The following FBXL13 variants were observed in gnomAD, a reference collection of about 807,000 sequenced individuals.
FBXL13 encodes F-box and leucine-rich repeat protein 13.
FBXL13 carries 67 observed loss-of-function variants against 83.6 expected under a neutral mutation model. The ratio of observed to expected loss-of-function variants is 0.80; its 90% CI spans 0.66 to 0.98. FBXL13 has a LOEUF of 0.98. Ranked by LOEUF, FBXL13 falls within the 50% of genes least tolerant of loss-of-function variation. FBXL13 has a pLI of 0.00. For missense variants in FBXL13, 822 were observed against 866.5 expected, an observed-to-expected ratio of 0.95 and a Z score of 0.64; for synonymous variants, 272 against 299.5, an observed-to-expected ratio of 0.91 and a Z score of 0.95.
intron 1 of FBXL13, among the ~76,000 whole-genome samples, chr7:103,064,487 G>A (rs887866814): frequency 1.3e-5 from 2 of 152,126 alleles, no homozygotes; most frequent in African/African-American, 4.8e-5. Flanking sequence ...AGAAAAGGGG[G>A]TAATTACAGT....
intron 6 of FBXL13, among the ~76,000 whole-genome samples, chr7:103,011,129 A>G (rs1791569076): frequency 6.6e-6 from 1 of 152,250 alleles, no homozygotes. Flanking sequence ...CAATTCAAAA[A>G]GCCAGAGTGT....
At chr7:102,960,158 A>T (rs1436166368) in intron 8 of FBXL13, among the ~76,000 whole-genome samples, 1 of 152,104 alleles carries the variant, frequency 6.6e-6, no homozygotes, top group East Asian at 1.9e-4. Context: ...GATCCATAGA[A>T]ATACAAATAC....
intron 1 of FBXL13, among the ~76,000 whole-genome samples, chr7:103,069,527 C>T (rs1334553676): frequency 6.6e-6 from 1 of 152,152 alleles, no homozygotes; most frequent in Non-Finnish European, 1.5e-5. Context: ...ATCTTTCAGT[C>T]TGAGGAGACA....
At chr7:103,074,482 C>T in exon 1 of FBXL13, 1 of 1,147,048 alleles carries the variant, frequency 8.7e-7, no homozygotes, top group Non-Finnish European at 1.1e-6. Flanking sequence ...CACGTGCAGC[C>T]ACCATCACCC....
At chr7:102,828,917 G>A (rs1219278749) in intron 18 of FBXL13, among the ~76,000 whole-genome samples, 1 of 152,098 alleles carries the variant, frequency 6.6e-6, no homozygotes, top group Admixed American at 6.5e-5. Flanking sequence ...GTAGCCTTGG[G>A]CACACCCAGT....
intron 8 of FBXL13, among the ~76,000 whole-genome samples, chr7:102,953,940 A>G (rs1380986544): frequency 6.6e-6 from 1 of 152,060 alleles, no homozygotes; most frequent in Non-Finnish European, 1.5e-5. Context: ...GGGACAGACA[A>G]AAACAGAGAA....
At chr7:102,860,636 C>T in intron 16 of FBXL13, among the ~76,000 whole-genome samples, 1 of 152,052 alleles carries the variant, frequency 6.6e-6, no homozygotes, top group East Asian at 1.9e-4. Flanking sequence ...AGCTGATGTA[C>T]ATAGACAATG....
chr7:102,884,311 A>G (rs1345787624), exon 12 of FBXL13: 1 of 1,611,916 alleles, frequency 6.2e-7, no homozygotes, highest in East Asian at 2.2e-5. Context: ...TTGGACTGAA[A>G]TCTGAATTGT....
chr7:103,034,344 G>A (rs895248955), intron 2 of FBXL13, among the ~76,000 whole-genome samples: 5 of 152,196 alleles, frequency 3.3e-5, no homozygotes, highest in East Asian at 1.9e-4. Flanking sequence ...TGGACGGTGT[G>A]GGGGAGGCTC....
intron 15 of FBXL13, 133 bp from the exon 17 acceptor site, chr7:102,877,726 A>G (rs1157874938): frequency 6.0e-6 from 5 of 828,484 alleles, no homozygotes; most frequent in Non-Finnish European, 9.2e-6. Context: ...CATAAAAGTA[A>G]GACTAAAAGT....
chr7:103,059,802 G>C (rs1435627623), intron 1 of FBXL13, among the ~76,000 whole-genome samples: 1 of 151,750 alleles, frequency 6.6e-6, no homozygotes, highest in Non-Finnish European at 1.5e-5. Flanking sequence ...ATCTTTCAAA[G>C]AGCAAGATAA....
At chr7:102,959,282 C>G (rs138480995) in intron 8 of FBXL13, among the ~76,000 whole-genome samples, 68 of 152,144 alleles carry the variant, frequency 4.5e-4, no homozygotes, top group African/African-American at 1.5e-3. Flanking sequence ...AAAAAATGTA[C>G]AGACACAGTT....
At chr7:102,974,610 A>C (rs946398795) in intron 6 of FBXL13, among the ~76,000 whole-genome samples, 10 of 151,998 alleles carry the variant, frequency 6.6e-5, no homozygotes, top group Non-Finnish European at 1.5e-4. Flanking sequence ...CCCTGTTTGC[A>C]CTCAGATCAC....
At chr7:103,052,647 C>G (rs959237615) in intron 2 of FBXL13, among the ~76,000 whole-genome samples, 1 of 152,246 alleles carries the variant, frequency 6.6e-6, no homozygotes, top group South Asian at 2.1e-4. Flanking sequence ...ATGAAGTGGA[C>G]ACCTTTTCTA....
At chr7:102,878,581 C>A in intron 14 of FBXL13, 131 bp from the exon 16 acceptor site, 1 of 507,518 alleles carries the variant, frequency 2.0e-6, no homozygotes, top group Non-Finnish European at 3.1e-6. Context: ...GGTATTTTGT[C>A]AATATTTTAA....
rs140006133 is a variant in FBXL13 at position 102,968,552 on chromosome 7, A to C, written c.496-435T>G. On this transcript the variant is annotated intron_variant, in intron 6 of 19. Transcript: ENST00000313221. ...TAGGATTCCTCAGAGAAGAAAAAAA[A>C]GGATTTCTGGGAAAGAGCAATAAAC... Among the ~76,000 whole-genome samples the C allele has an allele frequency of 9.5e-3, 1,448 of 152,374 alleles. 27 individuals carry two copies. The highest frequency in any genetic ancestry group is 0.033 in the African/African-American group (1,390 of 41,584).
intron 8 of FBXL13, among the ~76,000 whole-genome samples, chr7:102,941,426 C>T (rs1170829442): frequency 2.0e-5 from 3 of 152,264 alleles, no homozygotes; most frequent in East Asian, 3.9e-4. Context: ...CAAGCCCCTA[C>T]CTAGCAAATT....
At chr7:102,973,754 C>A in intron 6 of FBXL13, 1 of 765,564 alleles carries the variant, frequency 1.3e-6, no homozygotes. Flanking sequence ...GCACATCAGT[C>A]ACTGATCTCA....
Position 102,832,375 on chromosome 7 carries a change from T to C in FBXL13, c.1854+465A>G, listed in dbSNP as rs144367015. Among the ~76,000 whole-genome samples the C allele has an allele frequency of 5.0e-3, 756 of 152,282 alleles. 4 individuals are homozygous for C. Among genetic ancestry groups the C allele is most frequent in the African/African-American group, 0.017 (711 of 41,556 alleles). ...CCACTAAGGCCCTAGCTCAATGAAG[T>C]TATATGTTGTTATATTTTTGTCCAG... On this transcript the variant is annotated intron_variant, in intron 18 of 19. Transcript: ENST00000313221.
Sources: gnomAD v4.1 joint callset for allele counts (sites outside exome capture counted in the v4.1 genomes callset) on GRCh38, gnomAD v4.1.1 for gene constraint, MANE v1.5 for transcripts, NCBI Gene and HGNC (gene_info 2026-07-23, HGNC 2026-07-21) for gene names.